Variants in EIF4G3 observed in about 807,000 individuals in gnomAD.
The protein encoded by EIF4G3 is eukaryotic translation initiation factor 4 gamma 3.
EIF4G3 carries 34 observed loss-of-function variants against 186.4 expected under a neutral mutation model. That is an observed-to-expected ratio of 0.18 (90% confidence interval 0.14 to 0.24). The LOEUF (loss-of-function observed/expected upper bound fraction) is 0.24, where lower values mean the gene tolerates loss of function less well. EIF4G3 is among the 10% of genes least tolerant of loss of function. EIF4G3 has a pLI of 1.00. For missense variants in EIF4G3, 1,536 were observed against 1,948.5 expected (o/e 0.79, Z 3.99); for synonymous variants, 673 against 679.5 (o/e 0.99, Z 0.15).
At chr1:20,866,898 T>C (rs1462576452) in intron 20 of EIF4G3, among the ~76,000 whole-genome samples, 1 of 152,180 alleles carries the variant, frequency 6.6e-6, no homozygotes, top group African/African-American at 2.4e-5. Flanking sequence ...TGACATTAAG[T>C]GTATAACTGA....
intron 7 of EIF4G3, among the ~76,000 whole-genome samples, chr1:20,995,130 C>T (rs1386745044): frequency 6.6e-6 from 1 of 152,142 alleles, no homozygotes; most frequent in African/African-American, 2.4e-5. Flanking sequence ...ACAAAATGTA[C>T]CACATAACTT....
chr1:21,013,252 C>T (rs1039705145), intron 4 of EIF4G3, among the ~76,000 whole-genome samples: 1 of 151,700 alleles, frequency 6.6e-6, no homozygotes, highest in African/African-American at 2.4e-5. Context: ...ACTAAATGCC[C>T]CATCGAGAAA....
At chr1:20,812,907 C>CG (rs1441267654) in intron 35 of EIF4G3, among the ~76,000 whole-genome samples, 1 of 152,092 alleles carries the variant, frequency 6.6e-6, no homozygotes, top group African/African-American at 2.4e-5. Flanking sequence ...CTACACGCAA[C>CG]GTAGTGAAAA....
At chr1:21,173,462 G>C (rs2098032271) in intron 2 of EIF4G3, among the ~76,000 whole-genome samples, 3 of 152,110 alleles carry the variant, frequency 2.0e-5, no homozygotes, top group Admixed American at 2.0e-4. Flanking sequence ...TGAGGCAGGC[G>C]GATCACCTGA....
At chr1:20,930,399 C>T (rs546480402) in intron 14 of EIF4G3, among the ~76,000 whole-genome samples, 1 of 152,198 alleles carries the variant, frequency 6.6e-6, no homozygotes, top group Non-Finnish European at 1.5e-5. Flanking sequence ...ATGTAACATT[C>T]TAAATCCTTT....
intron 30 of EIF4G3, among the ~76,000 whole-genome samples, chr1:20,837,336 G>A (rs941426052): frequency 6.6e-6 from 1 of 152,134 alleles, no homozygotes; most frequent in Non-Finnish European, 1.5e-5. Context: ...CTCCCGAGCA[G>A]CTGGGATTAC....
intron 2 of EIF4G3, among the ~76,000 whole-genome samples, chr1:21,160,054 C>G (rs750234116): frequency 6.6e-6 from 1 of 151,366 alleles, no homozygotes; most frequent in Non-Finnish European, 1.5e-5. Flanking sequence ...TTGCAGTGAG[C>G]CGAAATTGTG....
At chr1:20,883,839 T>C (rs983163572) in intron 19 of EIF4G3, among the ~76,000 whole-genome samples, 1 of 152,164 alleles carries the variant, frequency 6.6e-6, no homozygotes, top group Non-Finnish European at 1.5e-5. Context: ...GAAAATGACA[T>C]ATTGAATGCT....
intron 14 of EIF4G3, among the ~76,000 whole-genome samples, chr1:20,920,404 G>A (rs914025346): frequency 6.6e-6 from 1 of 151,918 alleles, no homozygotes; most frequent in Non-Finnish European, 1.5e-5. Context: ...GCATCATTAT[G>A]GCACAAAAGT....
chr1:21,166,663 G>A (rs2097860389), intron 2 of EIF4G3, among the ~76,000 whole-genome samples: 2 of 152,162 alleles, frequency 1.3e-5, no homozygotes, highest in South Asian at 4.1e-4. Flanking sequence ...GGAGGCAGAA[G>A]TTGCAGTGAG....
In EIF4G3 at chr1:21,176,842, G is replaced by T; in HGVS notation, c.-576C>A. 5.7e-6 allele frequency: 4 copies of T among 701,656 alleles called. No homozygotes were observed. Among genetic ancestry groups the T allele is most frequent in the South Asian group, 3.0e-5 (2 of 67,576 alleles). 43.5% of individuals were successfully genotyped at this position (701,656 alleles called of 1,614,324 possible). On this transcript the variant is annotated 5_prime_UTR_variant, in exon 1 of 37. It introduces an in-frame stop codon into an upstream open reading frame of the 5' UTR. Transcript: ENST00000602326. ...TGCCGGTGGATTTTCTTCACTCAACGAGCAGAGCATCCAACATGGCGCTGT... is the reference window on the plus strand; with the variant it reads ...TGCCGGTGGATTTTCTTCACTCAACTAGCAGAGCATCCAACATGGCGCTGT...
intron 14 of EIF4G3, among the ~76,000 whole-genome samples, chr1:20,934,316 G>C (rs573329276): frequency 6.6e-6 from 1 of 152,154 alleles, no homozygotes; most frequent in African/African-American, 2.4e-5. Flanking sequence ...AAACAGTTTG[G>C]GTCAGAAGAA....
At chr1:21,014,635 CTT>C (rs35432782) in intron 4 of EIF4G3, among the ~76,000 whole-genome samples, 5 of 128,158 alleles carry the variant, frequency 3.9e-5, no homozygotes, top group Non-Finnish European at 4.8e-5. Flanking sequence ...AGACAAACAC[CTT>C]TTTTTTTTTT....
rs376743327 is a variant in EIF4G3, at chr1:20,969,463, C to T, written c.714+11G>A. 2.3e-4 allele frequency: 369 copies of T among 1,613,396 alleles called. No individual in the cohort carries two copies. Among genetic ancestry groups the T allele is most frequent in the Non-Finnish European group, 2.9e-4 (344 of 1,179,622 alleles). ...AAATAGTGCCATCCATTACAGCTCA[C>T]TCTGTCTTACCTGAGGAGGAGTAGG... is the stretch of plus-strand genomic sequence containing the variant. On this transcript the variant is annotated intron_variant, in intron 12 of 36. Coordinates refer to ENST00000602326, the MANE Select transcript of EIF4G3 (RefSeq NM_001391906.1).
intron 2 of EIF4G3, among the ~76,000 whole-genome samples, chr1:21,131,696 G>C (rs1362991370): frequency 2.6e-5 from 4 of 152,140 alleles, no homozygotes; most frequent in Non-Finnish European, 5.9e-5. Context: ...CTTTAAAAGA[G>C]TGTGGCTGGG....
At chr1:21,038,882 T>A (rs983301589) in intron 4 of EIF4G3, among the ~76,000 whole-genome samples, 8 of 151,862 alleles carry the variant, frequency 5.3e-5, no homozygotes, top group Non-Finnish European at 5.9e-5. Context: ...TGAAACATAT[T>A]TTTTTTTAAA....
intron 3 of EIF4G3, among the ~76,000 whole-genome samples, chr1:21,064,092 A>T (rs2095101338): frequency 1.3e-5 from 2 of 152,090 alleles, no homozygotes; most frequent in Non-Finnish European, 2.9e-5. Context: ...TAGTGAGCAA[A>T]ATCTGCTATT....
chr1:20,936,539 A>G (rs2095521964), intron 14 of EIF4G3, among the ~76,000 whole-genome samples: 2 of 152,234 alleles, frequency 1.3e-5, no homozygotes, highest in Admixed American at 6.5e-5. Flanking sequence ...GGCCCCAGCG[A>G]CTAAATCTTC....
intron 3 of EIF4G3, among the ~76,000 whole-genome samples, chr1:21,062,980 T>G (rs2095007549): frequency 6.6e-6 from 1 of 152,160 alleles, no homozygotes; most frequent in South Asian, 2.1e-4. Flanking sequence ...CCAAACCAGT[T>G]TGATATGATT....
Sources: allele counts gnomAD v4.1 joint callset (sites outside exome capture counted in the v4.1 genomes callset), GRCh38; gene constraint gnomAD v4.1.1; transcripts MANE v1.5; gene names NCBI Gene and HGNC (gene_info 2026-07-23, HGNC 2026-07-21).